WDSUB1: variants seen among roughly 807,000 people sequenced by gnomAD.
WDSUB1 encodes WD repeat, SAM and U-box domain-containing protein 1.
In WDSUB1, 49 loss-of-function variants were observed where a neutral mutation model predicts 53.9. That is an observed-to-expected ratio of 0.91 (90% CI 0.72 to 1.15). The LOEUF (loss-of-function observed/expected upper bound fraction) is 1.15. Ranked by LOEUF, WDSUB1 falls within the 50% of genes most tolerant of loss-of-function variation. WDSUB1 has a pLI of 0.00. For missense variants in WDSUB1, 514 were observed against 562.0 expected, an observed-to-expected ratio of 0.91 and a Z score of 0.86; for synonymous variants, 194 against 200.6, an observed-to-expected ratio of 0.97 and a Z score of 0.28.
At chr2:159,251,639 C>T (rs1243900664) in intron 9 of WDSUB1, among the ~76,000 whole-genome samples, 1 of 152,154 alleles carries the variant, frequency 6.6e-6, no homozygotes, top group Non-Finnish European at 1.5e-5. Context: ...AGTAAACCCT[C>T]GGTACCAGTA....
At position 159,282,119 on chromosome 2, in the gene WDSUB1, G is replaced by C. The variant is rs114567184; in HGVS notation, c.398+553C>G. On this transcript the variant is annotated intron_variant, in intron 2 of 10. Coordinates refer to ENST00000359774, the MANE Select transcript of WDSUB1 (RefSeq NM_001128212.3). Reference sequence around the variant, plus strand: ...AGATTAACTCTTAATTTTAAGATTGGCGCTAAGCAAATCTACTATAAGAAT... The same window carrying C: ...AGATTAACTCTTAATTTTAAGATTGCCGCTAAGCAAATCTACTATAAGAAT... Among the ~76,000 whole-genome samples, 1,037 of 151,528 alleles carry C rather than the reference G, an allele frequency of 6.8e-3. 12 individuals are homozygous for C. The highest frequency in any genetic ancestry group is 0.024 in the African/African-American group (994 of 41,334).
chr2:159,238,068 G>C (rs1242472566), intron 10 of WDSUB1, among the ~76,000 whole-genome samples: 5 of 152,164 alleles, frequency 3.3e-5, no homozygotes, highest in Non-Finnish European at 7.3e-5. Context: ...ATTTTTGCCA[G>C]TCTCTAGGTA....
chr2:159,263,438 G>A (rs2061267992), intron 5 of WDSUB1, among the ~76,000 whole-genome samples: 1 of 152,210 alleles, frequency 6.6e-6, no homozygotes. Context: ...TGAAGGTGAA[G>A]ATTAATATAG....
chr2:159,265,713 A>T (rs1229930266), intron 5 of WDSUB1, among the ~76,000 whole-genome samples: 1 of 152,224 alleles, frequency 6.6e-6, no homozygotes, highest in Non-Finnish European at 1.5e-5. Flanking sequence ...TCCCAAAAAA[A>T]AGACTGACTC....
At chr2:159,270,134 T>C (rs2061419852) in intron 5 of WDSUB1, among the ~76,000 whole-genome samples, 1 of 152,230 alleles carries the variant, frequency 6.6e-6, no homozygotes, top group African/African-American at 2.4e-5. Context: ...ATTTCCATTA[T>C]ATATTTCCTT....
intron 3 of WDSUB1, among the ~76,000 whole-genome samples, chr2:159,277,545 A>AT (rs1457065696): frequency 6.6e-6 from 1 of 152,206 alleles, no homozygotes; most frequent in Non-Finnish European, 1.5e-5. Flanking sequence ...TTCAGGAAAA[A>AT]TATTTAAATT....
intron 4 of WDSUB1, among the ~76,000 whole-genome samples, chr2:159,272,370 A>G (rs944840736): frequency 6.6e-6 from 1 of 152,168 alleles, no homozygotes; most frequent in Non-Finnish European, 1.5e-5. Flanking sequence ...CAGGGAAGAG[A>G]CATGGGGGAC....
intron 10 of WDSUB1, among the ~76,000 whole-genome samples, chr2:159,247,882 A>AATATATATATATATATATAT: frequency 2.6e-5 from 1 of 37,970 alleles, no homozygotes; most frequent in South Asian, 8.7e-4. Flanking sequence ...GCCAAAATTA[A>AATATATATATATATATATAT]ATAAATATAT....
Position 159,253,216 on chromosome 2 carries a change from C to T in WDSUB1, c.1132+2980G>A, listed in dbSNP as rs774290587. 5.7e-4 allele frequency among the ~76,000 whole-genome samples: 87 copies of T among 152,324 alleles called. No homozygotes were observed. In the Middle Eastern group the frequency reaches 0.01, roughly 18 times the overall value. On this transcript the variant is annotated intron_variant, in intron 9 of 10. Coordinates refer to ENST00000359774, the MANE Select transcript of WDSUB1 (RefSeq NM_001128212.3). ...ATATTAAATGTTATAGTAGTAGTCACAAATTCATAGCAAATGTCTTAAGAC... is the reference window on the plus strand; with the variant it reads ...ATATTAAATGTTATAGTAGTAGTCATAAATTCATAGCAAATGTCTTAAGAC...
chr2:159,253,343 C>G (rs973275710), intron 9 of WDSUB1, among the ~76,000 whole-genome samples: 1 of 151,798 alleles, frequency 6.6e-6, no homozygotes, highest in African/African-American at 2.4e-5. Context: ...CTAACTAAAG[C>G]TGTACGTCTA....
In WDSUB1 at chr2:159,235,952, TTAATAA is replaced by T; in HGVS notation, c.*75_*80del. On this transcript the variant is annotated 3_prime_UTR_variant, in exon 11 of 11. Transcript: ENST00000359774. Reference sequence around the variant, plus strand: ...AGTTTACCTTTTTCCTGTTTTGCTTTTAATAATGTCTGATTAGTATTTACCTATAAA... The same window carrying T: ...AGTTTACCTTTTTCCTGTTTTGCTTTTGTCTGATTAGTATTTACCTATAAA... 3 of 1,292,814 alleles carry T rather than the reference TTAATAA, an allele frequency of 2.3e-6. No homozygotes were observed. Among genetic ancestry groups the T allele is most frequent in the Non-Finnish European group, 3.0e-6 (3 of 991,492 alleles). The allele number at this position is 1,292,814 out of a possible 1,614,324, so 80.1% of individuals were successfully genotyped here.
At chr2:159,253,124 C>T (rs983943841) in intron 9 of WDSUB1, among the ~76,000 whole-genome samples, 5 of 152,258 alleles carry the variant, frequency 3.3e-5, no homozygotes, top group South Asian at 2.1e-4. Context: ...CAACTCGTTG[C>T]GTAATATCAC....
intron 10 of WDSUB1, among the ~76,000 whole-genome samples, chr2:159,237,418 G>A (rs1204591366): frequency 6.6e-6 from 1 of 152,024 alleles, no homozygotes; most frequent in Non-Finnish European, 1.5e-5. Flanking sequence ...CTACTCAGGA[G>A]GCTGAGGCAG....
rs529327676 is a variant in WDSUB1, at chr2:159,273,144, C to T, written c.677-1349G>A. 1.4e-4 allele frequency among the ~76,000 whole-genome samples: 22 copies of T among 152,196 alleles called. 1 individual carries two copies. In the South Asian group the frequency reaches 4.6e-3, roughly 32 times the overall value. ...AAATATATATTTTTATCTGGGAGAG[C>T]AGAGACACACACTAAAGACACCGTG... On this transcript the variant is annotated intron_variant, in intron 4 of 10. Coordinates refer to ENST00000359774, the MANE Select transcript of WDSUB1 (RefSeq NM_001128212.3).
At chr2:159,280,298 T>G (rs1279453393) in intron 2 of WDSUB1, among the ~76,000 whole-genome samples, 2 of 152,120 alleles carry the variant, frequency 1.3e-5, no homozygotes, top group South Asian at 4.1e-4. Flanking sequence ...ACAAGCAACA[T>G]CAACTACAGC....
At chr2:159,261,215 A>T (rs941409499) in intron 5 of WDSUB1, among the ~76,000 whole-genome samples, 1 of 152,200 alleles carries the variant, frequency 6.6e-6, no homozygotes, top group Non-Finnish European at 1.5e-5. Flanking sequence ...TAGCCCTTAC[A>T]TTGTATTAGG....
intron 9 of WDSUB1, among the ~76,000 whole-genome samples, chr2:159,253,448 T>A (rs765390962): frequency 2.6e-5 from 4 of 152,250 alleles, no homozygotes; most frequent in Non-Finnish European, 4.4e-5. Flanking sequence ...TGCAGAAATT[T>A]CATTTATTGT....
intron 10 of WDSUB1, among the ~76,000 whole-genome samples, chr2:159,243,724 C>T (rs1247761561): frequency 6.6e-6 from 1 of 152,036 alleles, no homozygotes; most frequent in Non-Finnish European, 1.5e-5. Context: ...GTGATTTAAC[C>T]ACTCTGGAAT....
Position 159,256,185 on chromosome 2 carries a change from A to C in WDSUB1, c.1132+11T>G. The C allele has an allele frequency of 1.3e-6, 2 of 1,589,100 alleles. No homozygotes were observed. The highest frequency in any genetic ancestry group is 1.2e-5 in the South Asian group (1 of 85,980). Reference sequence around the variant, plus strand: ...TTGTTTTGAAGATTGCCTATCTTTCACTAAGCTTACCAATTTTCAAATCAT... The same window carrying C: ...TTGTTTTGAAGATTGCCTATCTTTCCCTAAGCTTACCAATTTTCAAATCAT... On this transcript the variant is annotated intron_variant, in intron 9 of 10. Transcript: ENST00000359774.
Sources: allele counts gnomAD v4.1 joint callset (sites outside exome capture counted in the v4.1 genomes callset), GRCh38; gene constraint gnomAD v4.1.1; transcripts MANE v1.5; gene names NCBI Gene and HGNC (gene_info 2026-07-23, HGNC 2026-07-21).